FRMD5: variants seen among roughly 807,000 people sequenced by gnomAD.
The protein encoded by FRMD5 is FERM domain-containing protein 5.
In FRMD5, 20 loss-of-function variants were observed where a neutral mutation model predicts 69.0. The ratio of observed to expected loss-of-function variants is 0.29; its 90% confidence interval spans 0.20 to 0.42. The LOEUF (loss-of-function observed/expected upper bound fraction) is 0.42. FRMD5 is among the 10% of genes least tolerant of loss of function. FRMD5 has a pLI of 1.00. For synonymous variants in FRMD5, 271 were observed against 260.1 expected (o/e 1.04, Z -0.40); for missense variants, 595 against 708.6 (o/e 0.84, Z 1.82).
At chr15:44,027,337 C>G (rs1891471641) in intron 1 of FRMD5, among the ~76,000 whole-genome samples, 1 of 151,986 alleles carries the variant, frequency 6.6e-6, no homozygotes, top group Non-Finnish European at 1.5e-5. Flanking sequence ...CAAAAAAAAC[C>G]CAAAAAAACT....
chr15:44,195,108 G>A lies in FRMD5; in HGVS notation c.-54C>T. On this transcript the variant is annotated 5_prime_UTR_variant, in exon 1 of 14. Coordinates refer to ENST00000417257, the MANE Select transcript of FRMD5 (RefSeq NM_032892.5). ...CGGCGGCGCTGCGGACCCTGGACCA[G>A]GCGTCCCTCAGCCCGGCAGCTCCGC... The A allele has an allele frequency of 3.8e-6, 5 of 1,301,004 alleles. No homozygotes were observed. Among genetic ancestry groups the A allele is most frequent in the Non-Finnish European group, 5.0e-6 (5 of 994,984 alleles). The allele number at this position is 1,301,004 out of a possible 1,614,324, so 80.6% of individuals were successfully genotyped here. A position where few individuals can be genotyped will look rare whatever the true frequency, so the allele number is the denominator to read the frequency against.
intron 1 of FRMD5, among the ~76,000 whole-genome samples, chr15:44,081,484 A>G (rs1447153490): frequency 6.6e-6 from 1 of 152,102 alleles, no homozygotes; most frequent in African/African-American, 2.4e-5. Context: ...TCCAGTAACA[A>G]GCCAGAAATA....
intron 1 of FRMD5, among the ~76,000 whole-genome samples, chr15:44,120,040 A>G (rs142676451): frequency 6.6e-6 from 1 of 152,244 alleles, no homozygotes; most frequent in African/African-American, 2.4e-5. Flanking sequence ...AGATAGTTCA[A>G]TATGACTGGA....
At chr15:43,959,948 G>A (rs1046062059) in intron 1 of FRMD5, among the ~76,000 whole-genome samples, 4 of 152,088 alleles carry the variant, frequency 2.6e-5, no homozygotes, top group African/African-American at 4.8e-5. Flanking sequence ...ACGGAGTTTC[G>A]CTCTTGTTGC....
intron 1 of FRMD5, among the ~76,000 whole-genome samples, chr15:44,099,886 A>C (rs951660983): frequency 1.3e-5 from 2 of 152,100 alleles, no homozygotes; most frequent in Non-Finnish European, 1.5e-5. Context: ...GTATGAGTTC[A>C]ACCGAACTAT....
At chr15:44,139,281 A>G (rs2077231237) in intron 1 of FRMD5, among the ~76,000 whole-genome samples, 1 of 147,548 alleles carries the variant, frequency 6.8e-6, no homozygotes, top group Non-Finnish European at 1.5e-5. Context: ...AACACCATCT[A>G]TAGCTCCCCC....
At chr15:44,082,100 C>G (rs895223365) in intron 1 of FRMD5, among the ~76,000 whole-genome samples, 1 of 151,518 alleles carries the variant, frequency 6.6e-6, no homozygotes, top group Non-Finnish European at 1.5e-5. Flanking sequence ...TTATAAATAC[C>G]AAAATTCTTA....
At chr15:44,139,611 G>A (rs1379073850) in intron 1 of FRMD5, among the ~76,000 whole-genome samples, 1 of 150,918 alleles carries the variant, frequency 6.6e-6, no homozygotes, top group Non-Finnish European at 1.5e-5. Flanking sequence ...GACATTACAG[G>A]CCAGGCATGG....
chr15:44,164,132 AT>A (rs1290366906), intron 1 of FRMD5, among the ~76,000 whole-genome samples: 2 of 151,710 alleles, frequency 1.3e-5, no homozygotes, highest in Non-Finnish European at 1.5e-5. Context: ...CCCACCTTTC[AT>A]TTCTTCAGCC....
chr15:44,138,091 T>A (rs2077213651), intron 1 of FRMD5, among the ~76,000 whole-genome samples: 1 of 152,178 alleles, frequency 6.6e-6, no homozygotes, highest in African/African-American at 2.4e-5. Context: ...GGGTAGGATA[T>A]GATGATATTG....
intron 1 of FRMD5, among the ~76,000 whole-genome samples, chr15:44,179,929 C>G (rs889161777): frequency 6.6e-6 from 1 of 152,086 alleles, no homozygotes; most frequent in Non-Finnish European, 1.5e-5. Flanking sequence ...ATCCCAGCCA[C>G]TTCGGAAGCT....
chr15:43,967,506 T>C (rs905022081), intron 1 of FRMD5, among the ~76,000 whole-genome samples: 4 of 152,132 alleles, frequency 2.6e-5, no homozygotes, highest in South Asian at 2.1e-4. Flanking sequence ...GCTAGGCTTA[T>C]AGGCATGAGC....
At chr15:44,127,403 T>C (rs1283851199) in intron 1 of FRMD5, among the ~76,000 whole-genome samples, 1 of 152,184 alleles carries the variant, frequency 6.6e-6, no homozygotes, top group African/African-American at 2.4e-5. Flanking sequence ...AATAAATGCT[T>C]TTTTATTGTG....
intron 1 of FRMD5, among the ~76,000 whole-genome samples, chr15:43,925,528 A>G (rs975612120): frequency 2.0e-5 from 3 of 152,196 alleles, no homozygotes; most frequent in African/African-American, 4.8e-5. Context: ...TTCCATATTG[A>G]TGACATTTGT....
At chr15:43,900,906 T>C (rs903096976) in intron 7 of FRMD5, among the ~76,000 whole-genome samples, 34 of 152,150 alleles carry the variant, frequency 2.2e-4, no homozygotes, top group Non-Finnish European at 4.4e-5. Flanking sequence ...TGTGAGCCAC[T>C]GCGCCCGGCA....
At chr15:43,887,595 G>C (rs927376999) in intron 10 of FRMD5, among the ~76,000 whole-genome samples, 11 of 152,334 alleles carry the variant, frequency 7.2e-5, no homozygotes, top group African/African-American at 2.6e-4. Flanking sequence ...CCTGGCAACT[G>C]GGAGGACCCA....
intron 1 of FRMD5, among the ~76,000 whole-genome samples, chr15:44,022,213 T>C (rs1316418998): frequency 2.6e-5 from 4 of 152,172 alleles, no homozygotes; most frequent in Non-Finnish European, 5.9e-5. Context: ...CATGTGTATG[T>C]ACTTTAAAAA....
At chr15:44,019,280 T>C (rs760776714) in intron 1 of FRMD5, among the ~76,000 whole-genome samples, 4 of 152,172 alleles carry the variant, frequency 2.6e-5, no homozygotes, top group African/African-American at 4.8e-5. Flanking sequence ...CTAGAGTTTA[T>C]ATTTTTATTA....
chr15:43,878,905 A>G (rs2088440031), intron 13 of FRMD5, among the ~76,000 whole-genome samples: 1 of 148,000 alleles, frequency 6.8e-6, no homozygotes, highest in Non-Finnish European at 1.5e-5. Context: ...TAATGGATAG[A>G]TAGGCATTTC....
Sources: gnomAD v4.1 joint callset for allele counts (sites outside exome capture counted in the v4.1 genomes callset) on GRCh38, gnomAD v4.1.1 for gene constraint, MANE v1.5 for transcripts, NCBI Gene and HGNC (gene_info 2026-07-23, HGNC 2026-07-21) for gene names.